The following CNTN5 variants were observed in gnomAD, a reference collection of about 807,000 sequenced individuals.
CNTN5 encodes contactin-5.
In CNTN5, 77 loss-of-function variants were observed where a neutral mutation model predicts 129.1. That is an observed-to-expected ratio of 0.60 (90% CI 0.50 to 0.72). The LOEUF is 0.72. Among genes scored for constraint, CNTN5 ranks in the 30% least tolerant of loss-of-function variants. The pLI is 0.00. For synonymous variants in CNTN5, 509 were observed against 465.6 expected, an observed-to-expected ratio of 1.09 and a Z score of -1.20; for missense variants, 1,478 against 1,328.8, an observed-to-expected ratio of 1.11 and a Z score of -1.75.
At chr11:99,077,739 A>T (rs1206650904) in intron 1 of CNTN5, among the ~76,000 whole-genome samples, 2 of 152,148 alleles carry the variant, frequency 1.3e-5, no homozygotes, top group African/African-American at 4.8e-5. Flanking sequence ...CTGTTAGTGA[A>T]TCAGTTCTCA....
At chr11:100,202,864 A>T (rs1021117396) in intron 15 of CNTN5, among the ~76,000 whole-genome samples, 1 of 151,962 alleles carries the variant, frequency 6.6e-6, no homozygotes, top group Non-Finnish European at 1.5e-5. Flanking sequence ...AACAGCCCCC[A>T]TCATCACTTG....
intron 21 of CNTN5, among the ~76,000 whole-genome samples, chr11:100,313,844 G>A (rs12274877): frequency 0.012 from 1,871 of 152,036 alleles, 41 homozygotes; most frequent in African/African-American, 0.043. Context: ...GGAATACCAC[G>A]TATGAATAAA....
intron 24 of CNTN5, among the ~76,000 whole-genome samples, chr11:100,353,798 TTG>T (rs143509336): frequency 9.3e-5 from 14 of 150,366 alleles, no homozygotes; most frequent in Non-Finnish European, 1.8e-4. Context: ...CTTTTTGCAT[TTG>T]TGTGTGTGTG....
intron 18 of CNTN5, among the ~76,000 whole-genome samples, chr11:100,284,133 G>C (rs1345088379): frequency 2.0e-5 from 3 of 152,144 alleles, no homozygotes; most frequent in Non-Finnish European, 4.4e-5. Context: ...CACTGCTGGG[G>C]AATGGAGGAG....
intron 3 of CNTN5, among the ~76,000 whole-genome samples, chr11:99,629,867 T>C (rs989109210): frequency 3.0e-4 from 45 of 151,750 alleles, no homozygotes; most frequent in Non-Finnish European, 1.5e-5. Flanking sequence ...TGATATAAAA[T>C]ATAAAAATAC....
intron 2 of CNTN5, among the ~76,000 whole-genome samples, chr11:99,376,329 G>A (rs928492439): frequency 1.3e-5 from 2 of 152,074 alleles, no homozygotes; most frequent in African/African-American, 4.8e-5. Context: ...ATTCACTGAG[G>A]TTCTGCTCCA....
intron 3 of CNTN5, among the ~76,000 whole-genome samples, chr11:99,733,527 T>G (rs1943604571): frequency 6.6e-6 from 1 of 152,004 alleles, no homozygotes; most frequent in South Asian, 2.1e-4. Flanking sequence ...GGCAGTAACT[T>G]TGCCCTCTTC....
intron 1 of CNTN5, among the ~76,000 whole-genome samples, chr11:99,046,463 C>T (rs949947190): frequency 3.3e-5 from 5 of 152,092 alleles, no homozygotes; most frequent in Non-Finnish European, 7.4e-5. Flanking sequence ...AACTTGTCTG[C>T]AGTCCTTTTC....
At chr11:99,879,410 C>T (rs1948715685) in intron 6 of CNTN5, among the ~76,000 whole-genome samples, 1 of 152,126 alleles carries the variant, frequency 6.6e-6, no homozygotes, top group South Asian at 2.1e-4. Context: ...TGATATATAT[C>T]ACCGGACCAG....
intron 2 of CNTN5, among the ~76,000 whole-genome samples, chr11:99,465,568 T>C (rs1944898957): frequency 6.6e-6 from 1 of 151,900 alleles, no homozygotes; most frequent in African/African-American, 2.4e-5. Flanking sequence ...ACACACCAGC[T>C]TCTAGAATAT....
intron 3 of CNTN5, among the ~76,000 whole-genome samples, chr11:99,559,343 G>A (rs554089906): frequency 2.2e-4 from 34 of 151,968 alleles, no homozygotes; most frequent in African/African-American, 7.7e-4. Flanking sequence ...GAAAATCTAC[G>A]GATTATCTTG....
intron 9 of CNTN5, among the ~76,000 whole-genome samples, chr11:100,033,914 A>G (rs1339637724): frequency 6.6e-6 from 1 of 152,188 alleles, no homozygotes; most frequent in Non-Finnish European, 1.5e-5. Context: ...CTTCAGATCT[A>G]TAAACTTCCC....
intron 13 of CNTN5, among the ~76,000 whole-genome samples, chr11:100,153,347 T>A (rs903570856): frequency 6.6e-6 from 1 of 152,086 alleles, no homozygotes. Context: ...TACAAGTACT[T>A]TTAAAATTAT....
chr11:100,319,730 T>G (rs1006250509), intron 21 of CNTN5, among the ~76,000 whole-genome samples: 2 of 152,202 alleles, frequency 1.3e-5, no homozygotes, highest in African/African-American at 4.8e-5. Context: ...CTCACCCTGA[T>G]AAACACCATT....
intron 13 of CNTN5, among the ~76,000 whole-genome samples, chr11:100,139,164 T>C (rs924481450): frequency 1.3e-5 from 2 of 152,148 alleles, no homozygotes; most frequent in Admixed American, 6.6e-5. Context: ...GTTAAATATA[T>C]ACATTGGTAG....
chr11:100,331,938 A>G (rs1421318346), intron 21 of CNTN5, among the ~76,000 whole-genome samples: 1 of 152,144 alleles, frequency 6.6e-6, no homozygotes, highest in Non-Finnish European at 1.5e-5. Flanking sequence ...CTGAAGAAAC[A>G]AAAACAATCC....
intron 1 of CNTN5, among the ~76,000 whole-genome samples, chr11:99,113,697 G>A (rs1857906504): frequency 6.6e-6 from 1 of 152,072 alleles, no homozygotes; most frequent in Non-Finnish European, 1.5e-5. Flanking sequence ...CAGTGAAGTT[G>A]AGAATTTTCT....
At chr11:100,005,879 G>A (rs1182671355) in intron 9 of CNTN5, among the ~76,000 whole-genome samples, 1 of 152,066 alleles carries the variant, frequency 6.6e-6, no homozygotes, top group African/African-American at 2.4e-5. Flanking sequence ...CCTGTTCCCA[G>A]CCTTAGCGGA....
intron 15 of CNTN5, among the ~76,000 whole-genome samples, chr11:100,204,006 T>C (rs1435359257): frequency 6.6e-6 from 1 of 151,738 alleles, no homozygotes; most frequent in Non-Finnish European, 1.5e-5. Context: ...ACTGCAGCAT[T>C]TGCCTCCAGG....
Sources: gnomAD v4.1 joint callset for allele counts (sites outside exome capture counted in the v4.1 genomes callset) on GRCh38, gnomAD v4.1.1 for gene constraint, MANE v1.5 for transcripts, NCBI Gene and HGNC (gene_info 2026-07-23, HGNC 2026-07-21) for gene names.